FGGY: variants seen among roughly 807,000 people sequenced by gnomAD.
FGGY encodes the protein FGGY carbohydrate kinase domain-containing protein.
In FGGY, 72 loss-of-function variants were observed where a neutral mutation model predicts 71.3. The observed-to-expected ratio is 1.01, with a 90% confidence interval of 0.84 to 1.23. The LOEUF is 1.23. FGGY is among the 50% of genes most tolerant of loss of function. FGGY has a pLI of 0.00. For synonymous variants in FGGY, 251 were observed against 250.3 expected (o/e 1.00, Z -0.02); for missense variants, 668 against 682.3 (o/e 0.98, Z 0.23).
At chr1:59,735,889 G>A (rs2098097559) in intron 14 of FGGY, among the ~76,000 whole-genome samples, 1 of 152,114 alleles carries the variant, frequency 6.6e-6, no homozygotes, top group Non-Finnish European at 1.5e-5. Flanking sequence ...TCAGGAGCTG[G>A]GAAAAGGGAA....
chr1:59,586,268 C>G (rs1215451007), intron 8 of FGGY, among the ~76,000 whole-genome samples: 1 of 152,222 alleles, frequency 6.6e-6, no homozygotes, highest in African/African-American at 2.4e-5. Flanking sequence ...GCCAGATATC[C>G]AACAATGATA....
At chr1:59,622,868 A>T (rs1380878846) in intron 9 of FGGY, among the ~76,000 whole-genome samples, 3 of 152,122 alleles carry the variant, frequency 2.0e-5, no homozygotes, top group Non-Finnish European at 4.4e-5. Flanking sequence ...ACTCCTCTCC[A>T]GTTTCTACCT....
At chr1:59,619,376 T>C (rs550751411) in intron 9 of FGGY, among the ~76,000 whole-genome samples, 18 of 152,166 alleles carry the variant, frequency 1.2e-4, no homozygotes, top group East Asian at 5.8e-4. Context: ...GTATAAGTTA[T>C]TAAGACAAAT....
chr1:59,312,686 G>A (rs776254658), intron 1 of FGGY, among the ~76,000 whole-genome samples: 10 of 152,260 alleles, frequency 6.6e-5, no homozygotes, highest in Admixed American at 1.3e-4. Flanking sequence ...ATATCTTTAG[G>A]ACCTGTTCTG....
chr1:59,463,804 A>G (rs11485541), intron 6 of FGGY, among the ~76,000 whole-genome samples: 4,392 of 152,342 alleles, frequency 0.029, 205 homozygotes, highest in African/African-American at 0.1. Context: ...CAATTCAACA[A>G]GAAGAGCTAA....
chr1:59,617,400 A>T (rs576610057), intron 9 of FGGY, among the ~76,000 whole-genome samples: 1 of 152,208 alleles, frequency 6.6e-6, no homozygotes, highest in African/African-American at 2.4e-5. Context: ...ATGTGAATAG[A>T]TTTGTATTTT....
intron 6 of FGGY, among the ~76,000 whole-genome samples, chr1:59,478,522 A>G (rs2093353172): frequency 6.6e-6 from 1 of 152,254 alleles, no homozygotes; most frequent in Non-Finnish European, 1.5e-5. Flanking sequence ...GGAACATAGT[A>G]GGTACTCAAT....
chr1:59,738,936 C>T (rs1414827315), intron 14 of FGGY, among the ~76,000 whole-genome samples: 2 of 152,178 alleles, frequency 1.3e-5, no homozygotes, highest in Non-Finnish European at 2.9e-5. Context: ...GTACCAGATA[C>T]AGGGGAATCC....
chr1:59,559,417 CAT>C (rs1324467614), intron 8 of FGGY, among the ~76,000 whole-genome samples: 1 of 152,202 alleles, frequency 6.6e-6, no homozygotes, highest in East Asian at 1.9e-4. Flanking sequence ...GAAACAAACT[CAT>C]ATTTAGTTTA....
intron 12 of FGGY, among the ~76,000 whole-genome samples, chr1:59,666,397 T>C (rs928709039): frequency 2.0e-5 from 3 of 152,224 alleles, no homozygotes; most frequent in Admixed American, 2.0e-4. Flanking sequence ...TTGTTTTTAG[T>C]CCTTATCCCA....
chr1:59,345,510 CCTT>C (rs1259149592), intron 3 of FGGY, among the ~76,000 whole-genome samples: 1 of 152,124 alleles, frequency 6.6e-6, no homozygotes, highest in Non-Finnish European at 1.5e-5. Flanking sequence ...AAATTCTCCT[CCTT>C]ATGATTTTCT....
chr1:59,471,680 C>G (rs962353136), intron 6 of FGGY, among the ~76,000 whole-genome samples: 48 of 152,186 alleles, frequency 3.2e-4, no homozygotes, highest in African/African-American at 1.1e-3. Context: ...GCCAACCACA[C>G]TCCCCAAGTG....
chr1:59,376,339 G>T (rs2058659216), intron 4 of FGGY, among the ~76,000 whole-genome samples: 1 of 152,206 alleles, frequency 6.6e-6, no homozygotes, highest in Non-Finnish European at 1.5e-5. Context: ...AACAGTAACA[G>T]AGAATCAGCT....
At chr1:59,563,419 A>G (rs1476232570) in intron 8 of FGGY, among the ~76,000 whole-genome samples, 1 of 152,198 alleles carries the variant, frequency 6.6e-6, no homozygotes, top group Non-Finnish European at 1.5e-5. Flanking sequence ...GAGTCAAATC[A>G]TGAGTGAACT....
chr1:59,514,118 G>A (rs544822417), intron 7 of FGGY, among the ~76,000 whole-genome samples: 2 of 152,318 alleles, frequency 1.3e-5, no homozygotes, highest in South Asian at 2.1e-4. Flanking sequence ...AGCACAGAGA[G>A]AACTTGAGGT....
At chr1:59,653,082 G>A (rs1469397920) in intron 11 of FGGY, among the ~76,000 whole-genome samples, 1 of 152,208 alleles carries the variant, frequency 6.6e-6, no homozygotes, top group Non-Finnish European at 1.5e-5. Context: ...AGGGTTCAGC[G>A]ACCCACTTGA....
intron 7 of FGGY, among the ~76,000 whole-genome samples, chr1:59,539,373 G>A (rs1373243140): frequency 1.3e-5 from 2 of 152,132 alleles, no homozygotes; most frequent in African/African-American, 4.8e-5. Flanking sequence ...AACATATTAC[G>A]AAGTAATTAA....
intron 8 of FGGY, among the ~76,000 whole-genome samples, chr1:59,602,966 C>T (rs1448215346): frequency 2.0e-5 from 3 of 152,118 alleles, no homozygotes; most frequent in Non-Finnish European, 2.9e-5. Flanking sequence ...ATTGTTATAG[C>T]TTTATTGAGC....
At chr1:59,368,865 G>C (rs1046789809) in intron 4 of FGGY, among the ~76,000 whole-genome samples, 1 of 152,040 alleles carries the variant, frequency 6.6e-6, no homozygotes, top group Non-Finnish European at 1.5e-5. Context: ...GCCGAAGTGG[G>C]TGGATCACAA....
Sources: gnomAD v4.1 joint callset for allele counts (sites outside exome capture counted in the v4.1 genomes callset) on GRCh38, gnomAD v4.1.1 for gene constraint, MANE v1.5 for transcripts, NCBI Gene and HGNC (gene_info 2026-07-23, HGNC 2026-07-21) for gene names.